Variants in PSD2 observed in about 807,000 individuals in gnomAD.
PSD2 encodes the protein pleckstrin and Sec7 domain containing 2, also known as PH and SEC7 domain-containing protein 2.
PSD2 carries 38 observed loss-of-function variants against 69.8 expected under a neutral mutation model. The observed-to-expected ratio is 0.54, with a 90% CI of 0.42 to 0.71. PSD2 has a LOEUF of 0.71. Ranked by LOEUF, PSD2 falls within the 30% of genes least tolerant of loss-of-function variation. PSD2 has a pLI of 0.00. For missense variants in PSD2, 943 were observed against 1,014.5 expected, an observed-to-expected ratio of 0.93 and a Z score of 0.96; for synonymous variants, 412 against 423.0, an observed-to-expected ratio of 0.97 and a Z score of 0.32.
At chr5:139,745,583 C>T in the PSD2 span, among the ~76,000 whole-genome samples, 5 of 152,270 alleles carry the variant, frequency 3.3e-5, no homozygotes, top group East Asian at 9.6e-4. Flanking sequence ...TTCTCTGCTC[C>T]TAGCTGCCAA....
intron 2 of PSD2, among the ~76,000 whole-genome samples, chr5:139,810,554 C>T (rs547801555): frequency 6.2e-4 from 95 of 152,210 alleles, no homozygotes; most frequent in African/African-American, 1.8e-3. Context: ...TGTGTACACA[C>T]GGATGTGTGA....
chr5:139,813,170 T>C (rs935816561), intron 2 of PSD2, 139 bp from the exon 3 acceptor site: 7 of 653,610 alleles, frequency 1.1e-5, no homozygotes, highest in Non-Finnish European at 1.8e-5. Context: ...GCTCAGTTAG[T>C]ATTGGCTGAA....
At chr5:139,796,232 G>T (rs1759522735) in intron 1 of PSD2, among the ~76,000 whole-genome samples, 1 of 152,198 alleles carries the variant, frequency 6.6e-6, no homozygotes, top group Non-Finnish European at 1.5e-5. Flanking sequence ...GAGAGGGGGC[G>T]CCGCGGGAAA....
the PSD2 span, among the ~76,000 whole-genome samples, chr5:139,765,613 C>T: frequency 1.3e-5 from 2 of 152,276 alleles, no homozygotes; most frequent in Non-Finnish European, 2.9e-5. Flanking sequence ...CGCCGGGCCG[C>T]AGTGCTCGCA....
At chr5:139,784,080 T>C in the PSD2 span, among the ~76,000 whole-genome samples, 10 of 151,404 alleles carry the variant, frequency 6.6e-5, no homozygotes, top group Admixed American at 2.6e-4. Flanking sequence ...TAGCTGGAAC[T>C]ACAGGCACGC....
At chr5:139,818,148 C>G (rs1055112340) in intron 5 of PSD2, among the ~76,000 whole-genome samples, 1 of 152,100 alleles carries the variant, frequency 6.6e-6, no homozygotes. Context: ...AGATACTGGC[C>G]AGGTCCTAGG....
chr5:139,757,538 A>C, the PSD2 span, among the ~76,000 whole-genome samples: 2 of 152,150 alleles, frequency 1.3e-5, no homozygotes, highest in African/African-American at 2.4e-5. Context: ...TCTTCCCCCA[A>C]AGAAAATGCT....
At chr5:139,746,767 C>T in the PSD2 span, among the ~76,000 whole-genome samples, 2 of 152,204 alleles carry the variant, frequency 1.3e-5, no homozygotes, top group Admixed American at 1.3e-4. This position sits in a 1 kb window ranked among gnomAD's most constrained non-coding sequence, Gnocchi z 4.5. Flanking sequence ...CCAACCCCGC[C>T]ATTCCCTTCA....
chr5:139,829,380 A>G (rs745780865), intron 7 of PSD2, among the ~76,000 whole-genome samples: 1 of 152,228 alleles, frequency 6.6e-6, no homozygotes, highest in South Asian at 2.1e-4. Flanking sequence ...AAAGCTTACA[A>G]TTTAGTGGCA....
At chr5:139,744,186 G>A in the PSD2 span, among the ~76,000 whole-genome samples, 2 of 152,154 alleles carry the variant, frequency 1.3e-5, no homozygotes, top group African/African-American at 4.8e-5. Flanking sequence ...GGCCTGACTT[G>A]TCCTACTGCA....
chr5:139,770,636 T>G, the PSD2 span, among the ~76,000 whole-genome samples: 1 of 152,222 alleles, frequency 6.6e-6, no homozygotes. Flanking sequence ...TTCCTCATGT[T>G]ATTTCGCTGG....
chr5:139,811,051 G>T (rs960516483), intron 2 of PSD2, among the ~76,000 whole-genome samples: 2 of 152,180 alleles, frequency 1.3e-5, no homozygotes, highest in Non-Finnish European at 2.9e-5. Context: ...CTAGTGCCCA[G>T]CACAGGCCTG....
chr5:139,798,422 A>G (rs72794890), intron 1 of PSD2, among the ~76,000 whole-genome samples: 33,258 of 152,046 alleles, frequency 0.22, 3,654 homozygotes, highest in African/African-American at 0.25. Context: ...ACAGCTCTGC[A>G]TGCTCAGGTT....
At chr5:139,805,797 C>G (rs1366114949) in intron 1 of PSD2, among the ~76,000 whole-genome samples, 1 of 152,146 alleles carries the variant, frequency 6.6e-6, no homozygotes, top group African/African-American at 2.4e-5. Flanking sequence ...TGTGGGAGAG[C>G]ATGGGGACAT....
At chr5:139,782,108 G>A in the PSD2 span, among the ~76,000 whole-genome samples, 1 of 152,222 alleles carries the variant, frequency 6.6e-6, no homozygotes, top group Non-Finnish European at 1.5e-5. Flanking sequence ...GCCTTTCATA[G>A]GCCCTAGGTT....
intron 5 of PSD2, among the ~76,000 whole-genome samples, chr5:139,819,185 T>C (rs1055505865): frequency 1.3e-5 from 2 of 152,244 alleles, no homozygotes; most frequent in Non-Finnish European, 2.9e-5. Flanking sequence ...GTTTACGTTG[T>C]CCTTTGCTAG....
chr5:139,778,994 T>A, the PSD2 span, among the ~76,000 whole-genome samples: 1 of 149,262 alleles, frequency 6.7e-6, no homozygotes, highest in Non-Finnish European at 1.5e-5. Flanking sequence ...GGACAGAAAC[T>A]TTTTTAAGGC....
At chr5:139,771,279 C>A in the PSD2 span, among the ~76,000 whole-genome samples, 3 of 152,240 alleles carry the variant, frequency 2.0e-5, no homozygotes, top group African/African-American at 7.2e-5. Context: ...GCTGCCCCAC[C>A]CCTGGGCACT....
chr5:139,766,532 G>T, the PSD2 span, among the ~76,000 whole-genome samples: 1 of 152,184 alleles, frequency 6.6e-6, no homozygotes, highest in East Asian at 1.9e-4. Context: ...AGGGACCCAG[G>T]TTAGACTCTT....
Sources: allele counts gnomAD v4.1 joint callset (sites outside exome capture counted in the v4.1 genomes callset), GRCh38; gene constraint gnomAD v4.1.1; non-coding constraint Gnocchi (gnomAD v3.1); transcripts MANE v1.5; gene names NCBI Gene and HGNC (gene_info 2026-07-23, HGNC 2026-07-21).